NINL: variants seen among roughly 807,000 people sequenced by gnomAD.
NINL encodes ninein-like protein.
A neutral mutation model predicts 160.3 loss-of-function variants in NINL; 153 were observed. That is an observed-to-expected ratio of 0.95 (90% CI 0.84 to 1.09). The LOEUF (loss-of-function observed/expected upper bound fraction) is 1.09, where lower values mean the gene tolerates loss of function less well. NINL is among the 50% of genes least tolerant of loss of function. The probability of loss-of-function intolerance (pLI) is 0.00; values close to 1 mark genes in which losing one functional copy is unlikely to be tolerated. For missense variants in NINL, 1,829 were observed against 1,764.0 expected, an observed-to-expected ratio of 1.04 and a Z score of -0.66; for synonymous variants, 800 against 734.8, an observed-to-expected ratio of 1.09 and a Z score of -1.43.
At chr20:25,575,745 CA>C (rs1379864862) in intron 1 of NINL, among the ~76,000 whole-genome samples, 4 of 137,414 alleles carry the variant, frequency 2.9e-5, no homozygotes, top group African/African-American at 1.1e-4. Flanking sequence ...TACTCAGTCT[CA>C]AAAAAAACAC....
chr20:25,488,960 C>T (rs376032283), intron 13 of NINL: 13 of 442,694 alleles, frequency 2.9e-5, no homozygotes, highest in East Asian at 2.3e-4. Context: ...CTCCAACTGA[C>T]AGACGGACAC....
At chr20:25,464,893 G>A (rs1258176683) in intron 19 of NINL, among the ~76,000 whole-genome samples, 1 of 152,198 alleles carries the variant, frequency 6.6e-6, no homozygotes, top group Non-Finnish European at 1.5e-5. Flanking sequence ...TGTGACTCGA[G>A]TGACAAGTTC....
chr20:25,501,289 C>T (rs2063862821), intron 7 of NINL, among the ~76,000 whole-genome samples: 1 of 152,240 alleles, frequency 6.6e-6, no homozygotes, highest in Non-Finnish European at 1.5e-5. Context: ...ACCGGCCAGC[C>T]CCAGTCAGCA....
At chr20:25,506,900 A>G (rs776799381) in intron 5 of NINL, among the ~76,000 whole-genome samples, 2 of 152,200 alleles carry the variant, frequency 1.3e-5, no homozygotes, top group Non-Finnish European at 2.9e-5. Context: ...TAGAAAAAAT[A>G]TATATATTCT....
chr20:25,501,712 C>T (rs1305815378), intron 7 of NINL, among the ~76,000 whole-genome samples: 1 of 152,210 alleles, frequency 6.6e-6, no homozygotes, highest in Non-Finnish European at 1.5e-5. Context: ...AGCCTCACTG[C>T]AGCCTCCACC....
intron 1 of NINL, among the ~76,000 whole-genome samples, chr20:25,562,035 C>G: frequency 7.1e-6 from 1 of 141,414 alleles, no homozygotes; most frequent in African/African-American, 2.7e-5. Flanking sequence ...AAGTGAGGAG[C>G]CCCTCTGCCC....
intron 22 of NINL, 23 bp downstream of exon 22, chr20:25,458,360 T>C (rs765385589): frequency 8.1e-6 from 13 of 1,603,982 alleles, no homozygotes; most frequent in Non-Finnish European, 1.1e-5. Flanking sequence ...TCGTCAGCCA[T>C]CTCTCGCTGC....
chr20:25,493,769 G>C (rs1248056179), intron 10 of NINL, among the ~76,000 whole-genome samples: 1 of 151,904 alleles, frequency 6.6e-6, no homozygotes, highest in Non-Finnish European at 1.5e-5. Context: ...CAGGAGCAGG[G>C]ATACCGCTTC....
chr20:25,471,963 A>ATT (rs2063104848), intron 17 of NINL, among the ~76,000 whole-genome samples: 1 of 152,212 alleles, frequency 6.6e-6, no homozygotes, highest in Admixed American at 6.5e-5. Context: ...TAGAAACTGC[A>ATT]GGTATTGGAC....
intron 10 of NINL, among the ~76,000 whole-genome samples, chr20:25,493,495 C>T (rs571851102): frequency 2.0e-5 from 3 of 152,238 alleles, no homozygotes; most frequent in Admixed American, 6.5e-5. Context: ...TGGAGCTCCC[C>T]GTGGGTCTCC....
chr20:25,467,858 G>A (rs1053954343), intron 18 of NINL, among the ~76,000 whole-genome samples: 9 of 152,110 alleles, frequency 5.9e-5, no homozygotes, highest in Non-Finnish European at 8.8e-5. Flanking sequence ...CTGCATCTCC[G>A]GAGGTATGCC....
rs115748952 is a variant in NINL at position 25,480,621 on chromosome 20, C to T, written c.1811-354G>A. ...AATGGCCTGTGGCACAGCAGATGCC[C>T]GGTGGTGCAGAGCTTTAGATGATGT... On this transcript the variant is annotated intron_variant, in intron 14 of 23. Transcript: ENST00000278886. Among the ~76,000 whole-genome samples the T allele has an allele frequency of 3.9e-3, 601 of 152,280 alleles. 6 individuals are homozygous for T. The highest frequency in any genetic ancestry group is 0.014 in the African/African-American group (578 of 41,560).
At chr20:25,540,377 G>A (rs530451901) in intron 1 of NINL, among the ~76,000 whole-genome samples, 5 of 152,298 alleles carry the variant, frequency 3.3e-5, no homozygotes, top group Admixed American at 6.5e-5. Flanking sequence ...GACATATGAC[G>A]TTGTCATCGC....
rs1485243152 is a variant in NINL, at chr20:25,476,550, A to G, written c.2741T>C (p.Val914Ala). The stretch of plus-strand genomic sequence containing the variant: ...CTCCTTTGGGACAATATCCCCATCC[A>G]CTCCACAGGGCTGCATGCGTGACCA... ...ERWSRMQPCG[V>A]DGDIVPKEPE... is the part of the protein sequence containing the mutation. The change falls in exon 17 of 24, where the codon GTG becomes GCG. Residue 914 changes from valine (V) to alanine (A), a missense_variant. Coordinates refer to ENST00000278886, the MANE Select transcript of NINL (RefSeq NM_025176.6). 6.3e-7 allele frequency: 1 copy of G among 1,598,882 alleles called. No homozygotes were observed. The highest frequency in any genetic ancestry group is 1.3e-5 in the African/African-American group (1 of 74,562).
In NINL at chr20:25,512,996, A is replaced by C; in HGVS notation, c.288T>G (p.Ser96Arg). Residue 96 changes from serine (S) to arginine (R), a missense_variant, in exon 4 of 24, where the codon AGT becomes AGG. Coordinates refer to ENST00000278886, the MANE Select transcript of NINL (RefSeq NM_025176.6). ...DSSSLESAAS[S>R]AIPPKYVNGS... is the part of the protein sequence containing the mutation. ...CATTCACATACTTTGGAGGGATGGC[A>C]CTGGAGGCAGCTGGAAAGGAAACAG... The C allele has an allele frequency of 6.3e-7, 1 of 1,597,062 alleles. No homozygotes were observed. Among genetic ancestry groups the C allele is most frequent in the Non-Finnish European group, 8.6e-7 (1 of 1,168,306 alleles).
At position 25,489,343 on chromosome 20, in the gene NINL, G is replaced by T. The variant is rs1275141338; in HGVS notation, c.1597-19C>A. ...GCTCCAGCTGAAAGGCAGACACAAA[G>T]GAAGTCACGGGTGGGCCTCGGGCCA... On this transcript the variant is annotated intron_variant, in intron 12 of 23. Coordinates refer to ENST00000278886, the MANE Select transcript of NINL (RefSeq NM_025176.6). 2 of 1,611,450 alleles carry T rather than the reference G, an allele frequency of 1.2e-6. No homozygotes were observed. Among genetic ancestry groups the T allele is most frequent in the Non-Finnish European group, 1.7e-6 (2 of 1,179,022 alleles).
rs146946892 is a variant in NINL, at chr20:25,538,072, C to T, written c.-11-11474G>A. Among the ~76,000 whole-genome samples the T allele has an allele frequency of 1.8e-3, 274 of 152,292 alleles. 3 individuals carry two copies. The highest frequency in any genetic ancestry group is 5.8e-3 in the African/African-American group (242 of 41,566). ...CTTATCTGGGTGAAAGACACCAGGG[C>T]GTGAGATGCTGGTGGCCGCCCCTGG... On this transcript the variant is annotated intron_variant, in intron 1 of 23. Coordinates refer to ENST00000278886, the MANE Select transcript of NINL (RefSeq NM_025176.6).
chr20:25,573,882 CAA>C (rs2065084423), intron 1 of NINL, among the ~76,000 whole-genome samples: 1 of 152,178 alleles, frequency 6.6e-6, no homozygotes, highest in Admixed American at 6.5e-5. Flanking sequence ...CTGGAGCAGA[CAA>C]GAGCCTGGAG....
At chr20:25,497,042 T>C (rs2063771040) in intron 9 of NINL, among the ~76,000 whole-genome samples, 1 of 152,026 alleles carries the variant, frequency 6.6e-6, no homozygotes, top group Non-Finnish European at 1.5e-5. Flanking sequence ...TTCTAGGTGG[T>C]TTCTAACCCA....
Sources: gnomAD v4.1 joint callset for allele counts (sites outside exome capture counted in the v4.1 genomes callset) on GRCh38, gnomAD v4.1.1 for gene constraint, MANE v1.5 for transcripts, NCBI Gene and HGNC (gene_info 2026-07-23, HGNC 2026-07-21) for gene names.